Variants in BNIP2 observed in about 807,000 individuals in gnomAD.
BNIP2 encodes BCL2 interacting protein 2.
In BNIP2, 36 loss-of-function variants were observed where a neutral mutation model predicts 43.4. The observed-to-expected ratio is 0.83, with a 90% CI of 0.64 to 1.10. The LOEUF is 1.10. BNIP2 is among the 50% of genes least tolerant of loss of function. The pLI, the probability that BNIP2 is intolerant of heterozygous loss-of-function variation, is 0.00. For synonymous variants in BNIP2, 146 were observed against 121.0 expected (o/e 1.21, Z -1.35); for missense variants, 417 against 374.1 (o/e 1.11, Z -0.95).
rs957967925 is a variant in BNIP2, at chr15:59,663,239, T to A, written c.*830A>T. On this transcript the variant is annotated 3_prime_UTR_variant, in exon 10 of 10. Coordinates refer to ENST00000607373, the MANE Select transcript of BNIP2 (RefSeq NM_004330.4). ...GGAGCAATACCCTGGACACATAGCT[T>A]ATTTCACATTAGTGAACAAACTCAA... is the stretch of plus-strand genomic sequence containing the variant. 1.3e-5 allele frequency: 2 copies of A among 152,540 alleles called. No homozygotes were observed. Among genetic ancestry groups the A allele is most frequent in the Non-Finnish European group, 2.9e-5 (2 of 68,050 alleles). The allele number at this position is 152,540 out of a possible 1,614,324, so 9.4% of individuals were successfully genotyped here.
rs1384514548 is a variant in BNIP2 at position 59,676,790 on chromosome 15, G to A, written c.472+1121C>T. Reference sequence around the variant, plus strand: ...TGAGCGGAGCTTTTCGGATATCTGCGGTGGCCGCCTGGCCCTGCAGCGCCG... The same window carrying A: ...TGAGCGGAGCTTTTCGGATATCTGCAGTGGCCGCCTGGCCCTGCAGCGCCG... On this transcript the variant is annotated intron_variant, in intron 5 of 9. Transcript: ENST00000607373. The A allele has an allele frequency of 1.2e-5, 18 of 1,510,412 alleles. 1 individual carries two copies. The highest frequency in any genetic ancestry group is 9.7e-5 in the African/African-American group (7 of 72,366). 93.6% of individuals were successfully genotyped at this position (1,510,412 alleles called of 1,614,324 possible). A position where few individuals can be genotyped will look rare whatever the true frequency, so the allele number is the denominator to read the frequency against.
intron 4 of BNIP2, 179 bp downstream of exon 4, chr15:59,679,413 G>A: frequency 1.9e-6 from 1 of 531,028 alleles, no homozygotes; most frequent in Non-Finnish European, 3.1e-6. Flanking sequence ...GCAAATAAGA[G>A]GGGAAAAAAG....
rs1246383754 is a variant in BNIP2, at chr15:59,689,137, C to T, written c.-60G>A. On this transcript the variant is annotated splice_region_variant and 5_prime_UTR_variant, in exon 1 of 10. Transcript: ENST00000607373. ...GAGTTCTCCCAGGCCGCACTCACCC[C>T]GGAGGAAGCCTTGGCCCCCTCGTCC... The T allele has an allele frequency of 1.3e-6, 2 of 1,536,600 alleles. No individual in the cohort carries two copies. The highest frequency in any genetic ancestry group is 2.4e-5 in the South Asian group (2 of 83,898).
At chr15:59,665,469 G>C (rs963725466) in intron 9 of BNIP2, 1 of 152,698 alleles carries the variant, frequency 6.5e-6, no homozygotes, top group South Asian at 2.1e-4. Context: ...AATTAGCCAG[G>C]TGTGGTAGTG....
Position 59,663,507 on chromosome 15 carries a change from T to C in BNIP2, c.*562A>G, listed in dbSNP as rs1892384053. On this transcript the variant is annotated 3_prime_UTR_variant, in exon 10 of 10. Transcript: ENST00000607373. Reference sequence around the variant, plus strand: ...TACTAATACACTTCGATTATATACATGATCTTTGGGTATTCATGACAATCA... The same window carrying C: ...TACTAATACACTTCGATTATATACACGATCTTTGGGTATTCATGACAATCA... The C allele has an allele frequency of 6.6e-6, 1 of 152,660 alleles. No homozygotes were observed. The highest frequency in any genetic ancestry group is 2.4e-5 in the African/African-American group (1 of 41,464). 9.5% of individuals were successfully genotyped at this position (152,660 alleles called of 1,614,324 possible). A position where few individuals can be genotyped will look rare whatever the true frequency, so the allele number is the denominator to read the frequency against.
intron 9 of BNIP2, among the ~76,000 whole-genome samples, chr15:59,667,163 G>C (rs1892617128): frequency 1.3e-5 from 2 of 152,220 alleles, no homozygotes; most frequent in Non-Finnish European, 2.9e-5. Context: ...AAACTGTGAA[G>C]TGTCATATAG....
intron 6 of BNIP2, 26 bp from the exon 7 acceptor site, chr15:59,671,340 C>T: frequency 6.4e-7 from 1 of 1,558,938 alleles, no homozygotes; most frequent in Non-Finnish European, 8.7e-7. Context: ...TAAGTTTAAG[C>T]CTTAAAAATC....
At chr15:59,665,153 AC>A (rs1293184583) in intron 9 of BNIP2, among the ~76,000 whole-genome samples, 1 of 152,028 alleles carries the variant, frequency 6.6e-6, no homozygotes, top group Non-Finnish European at 1.5e-5. Flanking sequence ...AGTCCCAGCT[AC>A]TTGGGAGGCT....
chr15:59,686,749 G>A (rs540101397), intron 1 of BNIP2, among the ~76,000 whole-genome samples: 1 of 152,284 alleles, frequency 6.6e-6, no homozygotes, highest in East Asian at 1.9e-4. Context: ...GGGCATGGTG[G>A]CTCACACCTG....
intron 9 of BNIP2, among the ~76,000 whole-genome samples, chr15:59,668,353 C>T (rs141833980): frequency 3.9e-5 from 6 of 152,292 alleles, no homozygotes; most frequent in Admixed American, 3.9e-4. Flanking sequence ...AACTTTTCCA[C>T]ATGCATTGTA....
At chr15:59,667,915 A>T (rs1387584620) in intron 9 of BNIP2, among the ~76,000 whole-genome samples, 1 of 152,216 alleles carries the variant, frequency 6.6e-6, no homozygotes. Flanking sequence ...ATGGCAATAA[A>T]ACATGGTGAA....
chr15:59,682,630 T>G, intron 1 of BNIP2, 116 bp from the exon 2 acceptor site: 1 of 747,500 alleles, frequency 1.3e-6, no homozygotes. Context: ...GGTCTGGTCA[T>G]GAAATTCATT....
At chr15:59,687,587 C>T (rs983258376) in intron 1 of BNIP2, among the ~76,000 whole-genome samples, 1 of 151,954 alleles carries the variant, frequency 6.6e-6, no homozygotes, top group African/African-American at 2.4e-5. Context: ...ATTGCTTTAT[C>T]ATTTTTTGCT....
At chr15:59,672,611 A>C (rs568505596) in intron 6 of BNIP2, 26 bp downstream of exon 6, 3 of 1,538,176 alleles carry the variant, frequency 2.0e-6, no homozygotes, top group South Asian at 1.1e-5. Flanking sequence ...ATTCTGTCCA[A>C]ATGTTTTTGT....
chr15:59,683,221 G>C, intron 1 of BNIP2, among the ~76,000 whole-genome samples: 1 of 72 alleles, frequency 0.014, no homozygotes, highest in East Asian at 0.12. Flanking sequence ...AAGGAATCAC[G>C]TGAGTCCAAT....
chr15:59,664,166 A>G (rs1234891831), intron 9 of BNIP2, 46 bp from the exon 10 acceptor site: 2 of 1,272,960 alleles, frequency 1.6e-6, no homozygotes, highest in Non-Finnish European at 2.2e-6. Context: ...CAACTGAACA[A>G]TTTTCTTTCT....
chr15:59,687,553 C>T (rs1444840593), intron 1 of BNIP2, among the ~76,000 whole-genome samples: 2 of 151,858 alleles, frequency 1.3e-5, no homozygotes, highest in Non-Finnish European at 2.9e-5. Context: ...GGTTTCATAA[C>T]GTTGGCCAGG....
At chr15:59,685,494 C>T (rs1464743892) in intron 1 of BNIP2, among the ~76,000 whole-genome samples, 26 of 152,150 alleles carry the variant, frequency 1.7e-4, no homozygotes, top group Admixed American at 1.7e-3. Flanking sequence ...AAGGGAGACT[C>T]TGTCTCAAAA....
intron 5 of BNIP2, chr15:59,676,686 T>C (rs1356243811): frequency 3.1e-6 from 2 of 642,482 alleles, no homozygotes; most frequent in South Asian, 2.0e-5. Context: ...TGATATTGCA[T>C]GAAACGGCTA....
Sources: allele counts gnomAD v4.1 joint callset (sites outside exome capture counted in the v4.1 genomes callset), GRCh38; gene constraint gnomAD v4.1.1; transcripts MANE v1.5; gene names NCBI Gene and HGNC (gene_info 2026-07-23, HGNC 2026-07-21).